RTTN: variants seen among roughly 807,000 people sequenced by gnomAD.
RTTN encodes the protein rotatin.
In RTTN, 182 loss-of-function variants were observed where a neutral mutation model predicts 269.2. The ratio of observed to expected loss-of-function variants is 0.68; its 90% CI spans 0.60 to 0.76. The LOEUF is 0.76. RTTN is among the 30% of genes least tolerant of loss of function. The probability of loss-of-function intolerance (pLI) is 0.00; values close to 1 mark genes in which losing one functional copy is unlikely to be tolerated. For synonymous variants in RTTN, 1,006 were observed against 963.5 expected (o/e 1.04, Z -0.82); for missense variants, 2,545 against 2,608.6 (o/e 0.98, Z 0.53).
intron 40 of RTTN, among the ~76,000 whole-genome samples, chr18:70,046,073 G>C (rs149601340): frequency 6.6e-6 from 1 of 151,362 alleles, no homozygotes; most frequent in Non-Finnish European, 1.5e-5. Flanking sequence ...TTTTTCCTGC[G>C]TATACTATTA....
chr18:70,018,577 C>T (rs574739318), intron 45 of RTTN, among the ~76,000 whole-genome samples: 5 of 152,262 alleles, frequency 3.3e-5, no homozygotes, highest in Non-Finnish European at 5.9e-5. Flanking sequence ...ATAAAATAAA[C>T]TTAACGTTTT....
At chr18:70,026,295 G>A (rs1379274991) in intron 43 of RTTN, among the ~76,000 whole-genome samples, 1 of 152,262 alleles carries the variant, frequency 6.6e-6, no homozygotes, top group East Asian at 1.9e-4. Flanking sequence ...CAAATCTCAT[G>A]TTGAATTGTA....
chr18:70,057,972 T>C lies in RTTN; in HGVS notation c.4941-140A>G, dbSNP rs73964487. The C allele has an allele frequency of 9.8e-3, 5,568 of 565,540 alleles. 233 individuals carry two copies. The highest frequency in any genetic ancestry group is 0.092 in the African/African-American group (4,840 of 52,804). The allele number at this position is 565,540 out of a possible 1,614,324, so 35.0% of individuals were successfully genotyped here. On this transcript the variant is annotated intron_variant, in intron 36 of 48. Coordinates refer to ENST00000640769, the MANE Select transcript of RTTN (RefSeq NM_173630.4). ...TCTTTATAAGCAAAGAAAATGTTTA[T>C]AAAAAGATATCTCAAAGAATTTCAA...
rs1243987510 is a variant in RTTN, at chr18:70,197,723, A to G, written c.594T>C (p.Ser198=). The G allele has an allele frequency of 6.3e-7, 1 of 1,599,758 alleles. No individual in the cohort carries two copies. Among genetic ancestry groups the G allele is most frequent in the African/African-American group, 1.3e-5 (1 of 74,642 alleles). The change falls in exon 6 of 49, where the codon AGT becomes AGC. Residue 198 remains serine, a synonymous_variant. Coordinates refer to ENST00000640769, the MANE Select transcript of RTTN (RefSeq NM_173630.4). ...LSSNESSLRS[S]NHTLIWNTCE... is the part of the protein sequence containing the mutation. Reference sequence around the variant, plus strand: ...AGGTGTTCCAGATTAAAGTGTGGTTACTACTTCTTAAAGAGCTACAAAACA... The same window carrying G: ...AGGTGTTCCAGATTAAAGTGTGGTTGCTACTTCTTAAAGAGCTACAAAACA...
At chr18:70,199,897 A>C (rs920117577) in intron 4 of RTTN, among the ~76,000 whole-genome samples, 1 of 152,260 alleles carries the variant, frequency 6.6e-6, no homozygotes, top group Non-Finnish European at 1.5e-5. Context: ...AAAAATGATA[A>C]AACATAATGA....
intron 14 of RTTN, among the ~76,000 whole-genome samples, chr18:70,157,394 A>G (rs554582107): frequency 6.6e-6 from 1 of 152,318 alleles, no homozygotes; most frequent in Admixed American, 6.5e-5. Flanking sequence ...AACCAAGCCA[A>G]TTGACTAATC....
At chr18:70,052,057 G>A (rs1340657696) in intron 38 of RTTN, among the ~76,000 whole-genome samples, 1 of 152,116 alleles carries the variant, frequency 6.6e-6, no homozygotes. Flanking sequence ...AAAGTATGAC[G>A]CAAAAGAAGA....
intron 14 of RTTN, 46 bp from the exon 15 acceptor site, chr18:70,150,779 T>C (rs781204887): frequency 4.2e-6 from 6 of 1,444,442 alleles, no homozygotes; most frequent in Non-Finnish European, 5.7e-6. Context: ...CAACACTGAT[T>C]TTTCCAAAAG....
chr18:70,108,991 A>C (rs2059393071), intron 28 of RTTN, among the ~76,000 whole-genome samples: 1 of 152,230 alleles, frequency 6.6e-6, no homozygotes, highest in Non-Finnish European at 1.5e-5. Context: ...ATATTTCAAT[A>C]ACAGAAGATA....
intron 26 of RTTN, among the ~76,000 whole-genome samples, chr18:70,118,671 T>C (rs187541977): frequency 1.3e-5 from 2 of 152,060 alleles, no homozygotes; most frequent in Admixed American, 1.3e-4. Flanking sequence ...TAAACACAGA[T>C]ATAAAAAATC....
chr18:70,088,457 T>C (rs1210569799), intron 30 of RTTN, among the ~76,000 whole-genome samples: 1 of 152,226 alleles, frequency 6.6e-6, no homozygotes, highest in Non-Finnish European at 1.5e-5. Flanking sequence ...ATGAACACAA[T>C]TTCAATTCTT....
chr18:70,031,593 C>G (rs538201699), intron 40 of RTTN, among the ~76,000 whole-genome samples: 1 of 151,954 alleles, frequency 6.6e-6, no homozygotes, highest in African/African-American at 2.4e-5. Context: ...AATTTATGAG[C>G]TAGAAAAATT....
At chr18:70,151,163 A>G (rs1055810717) in intron 14 of RTTN, among the ~76,000 whole-genome samples, 1 of 147,954 alleles carries the variant, frequency 6.8e-6, no homozygotes, top group South Asian at 2.1e-4. Context: ...TTTATATTCT[A>G]TATATATAGA....
At chr18:70,050,234 A>G (rs2057619827) in intron 39 of RTTN, among the ~76,000 whole-genome samples, 1 of 152,246 alleles carries the variant, frequency 6.6e-6, no homozygotes, top group Non-Finnish European at 1.5e-5. Context: ...CAAGAAAAAA[A>G]CAAACAACCG....
chr18:70,024,316 G>A (rs1020714631), intron 44 of RTTN, among the ~76,000 whole-genome samples: 1 of 152,180 alleles, frequency 6.6e-6, no homozygotes, highest in African/African-American at 2.4e-5. Flanking sequence ...GAGCCCTAGT[G>A]ATATCAAGTA....
intron 37 of RTTN, 66 bp from the exon 38 acceptor site, chr18:70,054,350 C>T (rs2057757720): frequency 7.0e-7 from 1 of 1,421,004 alleles, no homozygotes; most frequent in Non-Finnish European, 9.5e-7. Flanking sequence ...AGTGATACAG[C>T]ATTTTACTTT....
At chr18:70,184,559 AT>A (rs1202067675) in intron 10 of RTTN, among the ~76,000 whole-genome samples, 7 of 152,166 alleles carry the variant, frequency 4.6e-5, no homozygotes, top group East Asian at 1.9e-4. Context: ...GTTAAAAAAA[AT>A]AAAAATAAAA....
chr18:70,005,911 G>C (rs983028845), intron 47 of RTTN: 3 of 155,374 alleles, frequency 1.9e-5, no homozygotes, highest in African/African-American at 7.2e-5. Flanking sequence ...GAAGTCCAAA[G>C]GCCAGAGAAA....
At position 70,094,080 on chromosome 18, in the gene RTTN, C is replaced by T. The variant is rs141746179; in HGVS notation, c.3904-1276G>A. 7.5e-3 allele frequency among the ~76,000 whole-genome samples: 586 copies of T among 78,242 alleles called. 2 individuals carry two copies. Among genetic ancestry groups the T allele is most frequent in the South Asian group, 0.025 (31 of 1,242 alleles). The allele number at this position is 78,242 out of a possible 152,430, so 51.3% of individuals were successfully genotyped here. A position where few individuals can be genotyped will look rare whatever the true frequency, so the allele number is the denominator to read the frequency against. ...TCTTCTAGATTTTCTAGTTTATTTGCGTAGAGGTGTTTATAACACTCTCTG... is the reference window on the plus strand; with the variant it reads ...TCTTCTAGATTTTCTAGTTTATTTGTGTAGAGGTGTTTATAACACTCTCTG... On this transcript the variant is annotated intron_variant, in intron 28 of 48. Coordinates refer to ENST00000640769, the MANE Select transcript of RTTN (RefSeq NM_173630.4).
Sources: allele counts gnomAD v4.1 joint callset (sites outside exome capture counted in the v4.1 genomes callset), GRCh38; gene constraint gnomAD v4.1.1; transcripts MANE v1.5; gene names NCBI Gene and HGNC (gene_info 2026-07-23, HGNC 2026-07-21).